The following STK35 variants were observed in gnomAD, a reference collection of about 807,000 sequenced individuals.
The protein encoded by STK35 is serine/threonine kinase 35, also known as serine/threonine-protein kinase 35.
A neutral mutation model predicts 37.3 loss-of-function variants in STK35; 17 were observed. The ratio of observed to expected loss-of-function variants is 0.46; its 90% CI spans 0.31 to 0.68. The LOEUF is 0.68. STK35 is among the 30% of genes least tolerant of loss of function. The pLI, the probability that STK35 is intolerant of heterozygous loss-of-function variation, is 0.05. For synonymous variants in STK35, 385 were observed against 319.1 expected, an observed-to-expected ratio of 1.21 and a Z score of -2.20; for missense variants, 595 against 746.7, an observed-to-expected ratio of 0.80 and a Z score of 2.37.
chr20:2,135,130 T>G (rs1315520964), intron 3 of STK35, among the ~76,000 whole-genome samples: 1 of 152,216 alleles, frequency 6.6e-6, no homozygotes, highest in African/African-American at 2.4e-5. Flanking sequence ...GGCAAGATCC[T>G]TCATCTTCCC....
At chr20:2,133,911 G>A (rs1001947634) in intron 3 of STK35, among the ~76,000 whole-genome samples, 8 of 152,106 alleles carry the variant, frequency 5.3e-5, no homozygotes, top group African/African-American at 1.7e-4. Context: ...ATGCTGTCTC[G>A]GCTTTAAGCT....
chr20:2,128,012 C>G (rs975958079), intron 3 of STK35, among the ~76,000 whole-genome samples: 2 of 152,182 alleles, frequency 1.3e-5, no homozygotes, highest in African/African-American at 4.8e-5. Context: ...ATCCCACCCC[C>G]CAACACACAG....
At chr20:2,105,417 C>G (rs191598715) in intron 2 of STK35, among the ~76,000 whole-genome samples, 3 of 152,192 alleles carry the variant, frequency 2.0e-5, no homozygotes, top group Non-Finnish European at 4.4e-5. Context: ...TGCTTACTCT[C>G]TCAACATATA....
Position 2,102,744 on chromosome 20 carries a change from T to C in STK35, c.295-24T>C, listed in dbSNP as rs1297994533. Reference sequence around the variant, plus strand: ...TGGCCTCCCCGCCTTGGCCTGGCCGTTTAACCGATTCTTTCGCCCGCAGGT... The same window carrying C: ...TGGCCTCCCCGCCTTGGCCTGGCCGCTTAACCGATTCTTTCGCCCGCAGGT... On this transcript the variant is annotated intron_variant, in intron 1 of 3. Coordinates refer to ENST00000381482, the MANE Select transcript of STK35 (RefSeq NM_080836.4). 5 of 1,401,212 alleles carry C rather than the reference T, an allele frequency of 3.6e-6. No individual in the cohort carries two copies. In the Admixed American group the frequency reaches 1.1e-4, roughly 30 times the overall value. The allele number at this position is 1,401,212 out of a possible 1,614,324, so 86.8% of individuals were successfully genotyped here. A position where few individuals can be genotyped will look rare whatever the true frequency, so the allele number is the denominator to read the frequency against.
chr20:2,114,625 C>T (rs1283244731), intron 2 of STK35, among the ~76,000 whole-genome samples: 1 of 152,192 alleles, frequency 6.6e-6, no homozygotes, highest in African/African-American at 2.4e-5. Context: ...AGAGCAGCTC[C>T]TCAGTCCGAA....
chr20:2,104,618 G>A (rs944267545), intron 2 of STK35, among the ~76,000 whole-genome samples: 1 of 152,202 alleles, frequency 6.6e-6, no homozygotes, highest in Non-Finnish European at 1.5e-5. Flanking sequence ...AGGATTTGGG[G>A]TGAGTTTGGA....
At chr20:2,123,114 G>T (rs576507510) in intron 3 of STK35, among the ~76,000 whole-genome samples, 8 of 152,254 alleles carry the variant, frequency 5.3e-5, no homozygotes, top group Admixed American at 2.0e-4. Flanking sequence ...TGCATTCATG[G>T]CCAAGTCTGC....
At chr20:2,115,158 G>T (rs1175376632) in intron 2 of STK35, among the ~76,000 whole-genome samples, 1 of 152,116 alleles carries the variant, frequency 6.6e-6, no homozygotes, top group East Asian at 1.9e-4. Flanking sequence ...GGGAAGTGAG[G>T]GCTATCCGAT....
At position 2,101,943 on chromosome 20, in the gene STK35, G is replaced by T; in HGVS notation, c.62G>T (p.Arg21Met). Residue 21 changes from arginine (R) to methionine (M), a missense_variant, in exon 1 of 4, where the codon AGG (arginine) becomes ATG (methionine). By Grantham distance (91) the Arg-to-Met change is moderately conservative. Coordinates refer to ENST00000381482, the MANE Select transcript of STK35 (RefSeq NM_080836.4). ...APAGGAAYVK[R>M]LCKGLSWREH... ...GCGGGAGGTGCAGCTTATGTAAAGA[G>T]GTTATGTAAAGGGCTCAGCTGGCGC... The T allele has an allele frequency of 6.6e-7, 1 of 1,513,792 alleles. No individual in the cohort carries two copies. The highest frequency in any genetic ancestry group is 8.8e-7 in the Non-Finnish European group (1 of 1,131,932). The allele number at this position is 1,513,792 out of a possible 1,614,324, so 93.8% of individuals were successfully genotyped here. A position where few individuals can be genotyped will look rare whatever the true frequency, so the allele number is the denominator to read the frequency against.
In STK35 at chr20:2,103,001, GGCGGCCGAGGCC is replaced by G; in HGVS notation, c.529_540del (p.Ala177_Ala180del). On this transcript the variant is annotated inframe_deletion, in exon 2 of 4. Coordinates refer to ENST00000381482, the MANE Select transcript of STK35 (RefSeq NM_080836.4). ...CGGCGGCCCGGGCCATGGATCCGGT[GGCGGCCGAGGCC>G]CCGGGCGAGGCCTTCCTGGCGCGGC... 1 of 1,420,334 alleles carries G rather than the reference GGCGGCCGAGGCC, an allele frequency of 7.0e-7. No individual in the cohort carries two copies. The highest frequency in any genetic ancestry group is 1.5e-5 in the South Asian group (1 of 67,056). 88.0% of individuals were successfully genotyped at this position (1,420,334 alleles called of 1,614,324 possible). A position where few individuals can be genotyped will look rare whatever the true frequency, so the allele number is the denominator to read the frequency against.
intron 3 of STK35, among the ~76,000 whole-genome samples, chr20:2,131,443 C>T (rs536062279): frequency 3.3e-5 from 5 of 152,070 alleles, no homozygotes; most frequent in Admixed American, 2.6e-4. Context: ...GGGAGACCCC[C>T]ATCTCTACAA....
At chr20:2,131,675 A>T (rs1402303155) in intron 3 of STK35, among the ~76,000 whole-genome samples, 2 of 152,082 alleles carry the variant, frequency 1.3e-5, no homozygotes, top group South Asian at 2.1e-4. Flanking sequence ...TTTGCTTTCT[A>T]AACTTAAAAT....
chr20:2,138,443 G>A (rs1986120965), intron 3 of STK35, among the ~76,000 whole-genome samples: 1 of 152,178 alleles, frequency 6.6e-6, no homozygotes, highest in African/African-American at 2.4e-5. Context: ...TTCACAGCAG[G>A]CCCCTGAAGA....
At chr20:2,109,055 C>T (rs1307302023) in intron 2 of STK35, among the ~76,000 whole-genome samples, 2 of 152,182 alleles carry the variant, frequency 1.3e-5, no homozygotes, top group African/African-American at 4.8e-5. Context: ...TATCGACCAC[C>T]TAGGTGTGCA....
intron 3 of STK35, among the ~76,000 whole-genome samples, chr20:2,131,390 GATC>G (rs1320078040): frequency 6.6e-6 from 1 of 152,018 alleles, no homozygotes; most frequent in African/African-American, 2.4e-5. Context: ...AAGACAGGAA[GATC>G]ACTTGAGCCC....
intron 3 of STK35, among the ~76,000 whole-genome samples, chr20:2,134,609 GGCCT>G (rs1986054598): frequency 6.6e-6 from 1 of 152,130 alleles, no homozygotes. Flanking sequence ...AAATGCCTGG[GGCCT>G]GGCGCGGTGG....
Position 2,116,760 on chromosome 20 carries a change from C to T in STK35, c.987C>T (p.Ser329=), listed in dbSNP as rs768051815. ...EGGDLNQYVL[S]RRPDPATNKS... is the part of the protein sequence containing the mutation. ...GAGACCTGAATCAGTATGTCCTGTCCCGGAGGCCAGACCCAGCCACCAACA... is the reference window on the plus strand; with the variant it reads ...GAGACCTGAATCAGTATGTCCTGTCTCGGAGGCCAGACCCAGCCACCAACA... The change falls in exon 3 of 4, where the codon TCC becomes TCT. Residue 329 remains serine (S), a synonymous_variant. Coordinates refer to ENST00000381482, the MANE Select transcript of STK35 (RefSeq NM_080836.4). 1 of 1,614,102 alleles carries T rather than the reference C, an allele frequency of 6.2e-7. No homozygotes were observed.
Position 2,117,210 on chromosome 20 carries a change from G to A in STK35, c.1437G>A (p.Ala479=), listed in dbSNP as rs79424921. The change falls in exon 3 of 4, where the codon GCG becomes GCA. Residue 479 remains alanine, a synonymous_variant. Coordinates refer to ENST00000381482, the MANE Select transcript of STK35 (RefSeq NM_080836.4). This position sits in a 1 kb window ranked among gnomAD's most constrained non-coding sequence, Gnocchi z 4.4. ...QGTEIVPVGE[A]LLENPKMELH... ...CTGAGATCGTCCCTGTTGGTGAGGCGCTGCTAGAAAACCCAAAGATGGAGT... is the reference window on the plus strand; with the variant it reads ...CTGAGATCGTCCCTGTTGGTGAGGCACTGCTAGAAAACCCAAAGATGGAGT... The A allele has an allele frequency of 1.0e-3, 1,627 of 1,614,126 alleles. 12 individuals carry two copies. The African/African-American group carries it at 0.018, about 18-fold the overall frequency.
chr20:2,116,530 A>G, intron 2 of STK35, 136 bp from the exon 3 acceptor site: 2 of 948,380 alleles, frequency 2.1e-6, no homozygotes, highest in Non-Finnish European at 3.1e-6. Flanking sequence ...AAAGGCACTC[A>G]GTGCCAGTTG....
Sources: allele counts gnomAD v4.1 joint callset (sites outside exome capture counted in the v4.1 genomes callset), GRCh38; gene constraint gnomAD v4.1.1; non-coding constraint Gnocchi (gnomAD v3.1); transcripts MANE v1.5; gene names NCBI Gene and HGNC (gene_info 2026-07-23, HGNC 2026-07-21).